Variants in ZNF475 observed in about 807,000 individuals in gnomAD.
ZNF475 encodes the protein zinc finger protein 475.
At chr5:122,163,325 C>CT in the ZNF475 span, 1 of 152,182 alleles carries the variant, frequency 6.6e-6, no homozygotes, top group African/African-American at 2.4e-5. Flanking sequence ...AGTACAGGGC[C>CT]TGTTAGTCAG....
chr5:122,179,639 A>G, the ZNF475 span: 4 of 1,534,720 alleles, frequency 2.6e-6, no homozygotes, highest in Non-Finnish European at 2.6e-6. Flanking sequence ...ATGAGCCACA[A>G]TGTCTGAAAA....
chr5:122,170,628 T>G, the ZNF475 span, among the ~76,000 whole-genome samples: 4 of 152,138 alleles, frequency 2.6e-5, no homozygotes, highest in African/African-American at 9.7e-5. Flanking sequence ...TTTGAAACCC[T>G]TCATTTGGAG....
the ZNF475 span, chr5:122,160,293 G>C: frequency 1.6e-6 from 2 of 1,288,538 alleles, no homozygotes. Context: ...CTACATTGTT[G>C]GCTCCAGAAG....
chr5:122,179,812 C>A, the ZNF475 span: 3 of 1,108,828 alleles, frequency 2.7e-6, no homozygotes, highest in Non-Finnish European at 2.4e-6. Context: ...ATTCTTTTTT[C>A]ACTTGTTCAA....
chr5:122,161,776 A>G, the ZNF475 span, among the ~76,000 whole-genome samples: 1 of 152,214 alleles, frequency 6.6e-6, no homozygotes, highest in East Asian at 1.9e-4. Flanking sequence ...CAACTGGCAT[A>G]AAAGTCAGGC....
At chr5:122,174,732 T>C in the ZNF475 span, among the ~76,000 whole-genome samples, 1 of 152,240 alleles carries the variant, frequency 6.6e-6, no homozygotes, top group Non-Finnish European at 1.5e-5. Context: ...TGACCCATGC[T>C]ATTTATTGTG....
chr5:122,180,890 A>C, the ZNF475 span, among the ~76,000 whole-genome samples: 1 of 152,194 alleles, frequency 6.6e-6, no homozygotes, highest in South Asian at 2.1e-4. Context: ...TAAAGATGAA[A>C]ATGACCAGCT....
chr5:122,165,917 G>A, the ZNF475 span, among the ~76,000 whole-genome samples: 1 of 152,168 alleles, frequency 6.6e-6, no homozygotes, highest in South Asian at 2.1e-4. Flanking sequence ...CTTTGGCAAA[G>A]GCCCACTAAA....
chr5:122,168,287 G>T, the ZNF475 span, among the ~76,000 whole-genome samples: 88 of 152,196 alleles, frequency 5.8e-4, 1 homozygote, highest in South Asian at 0.011. Flanking sequence ...CAGGTGATCC[G>T]CCCGCCTCGG....
the ZNF475 span, among the ~76,000 whole-genome samples, chr5:122,167,455 ATAAAT>A: frequency 6.6e-6 from 1 of 152,168 alleles, no homozygotes; most frequent in Non-Finnish European, 1.5e-5. Context: ...TTCTTGGGAG[ATAAAT>A]TAAAGAGTTT....
chr5:122,174,531 A>G, the ZNF475 span, among the ~76,000 whole-genome samples: 3 of 152,206 alleles, frequency 2.0e-5, no homozygotes, highest in Non-Finnish European at 2.9e-5. Flanking sequence ...CTGAAGTTCA[A>G]CCACAAATAT....
the ZNF475 span, among the ~76,000 whole-genome samples, chr5:122,180,879 C>CT: frequency 3.3e-5 from 5 of 152,162 alleles, no homozygotes; most frequent in African/African-American, 1.2e-4. Context: ...GGGAAAACAG[C>CT]TAAAGATGAA....
At chr5:122,168,984 C>G in the ZNF475 span, among the ~76,000 whole-genome samples, 5 of 152,292 alleles carry the variant, frequency 3.3e-5, no homozygotes, top group South Asian at 1.0e-3. Context: ...GGCAGAGGGC[C>G]AGGGGAGACA....
At chr5:122,179,892 T>C in the ZNF475 span, 40 of 511,708 alleles carry the variant, frequency 7.8e-5, no homozygotes, top group African/African-American at 7.3e-4. Flanking sequence ...GAAATGCCTG[T>C]CCAAAGAATT....
At chr5:122,163,562 T>C in the ZNF475 span, among the ~76,000 whole-genome samples, 2 of 152,192 alleles carry the variant, frequency 1.3e-5, no homozygotes, top group African/African-American at 4.8e-5. Context: ...ATCAGGAGTG[T>C]GGAAAATCTA....
the ZNF475 span, among the ~76,000 whole-genome samples, chr5:122,174,013 G>C: frequency 6.6e-6 from 1 of 152,152 alleles, no homozygotes; most frequent in Non-Finnish European, 1.5e-5. Context: ...CCTGGAGTTG[G>C]CTGGTCCCGG....
At chr5:122,179,568 C>G in the ZNF475 span, 15 of 1,516,284 alleles carry the variant, frequency 9.9e-6, no homozygotes, top group Non-Finnish European at 1.3e-5. Context: ...GATACGGCGT[C>G]CACCAGCAGT....
the ZNF475 span, among the ~76,000 whole-genome samples, chr5:122,176,047 T>C: frequency 6.6e-6 from 1 of 152,140 alleles, no homozygotes; most frequent in East Asian, 1.9e-4. Context: ...TCTAATAGCC[T>C]TTACTCAGCC....
chr5:122,167,940 AAGTAGC>A, the ZNF475 span, among the ~76,000 whole-genome samples: 4 of 152,218 alleles, frequency 2.6e-5, no homozygotes, highest in Admixed American at 2.6e-4. Context: ...CCACTGGTGC[AAGTAGC>A]AGTAGTTCTT....
Sources: allele counts gnomAD v4.1 joint callset (sites outside exome capture counted in the v4.1 genomes callset), GRCh38; gene constraint gnomAD v4.1.1; transcripts MANE v1.5; gene names NCBI Gene and HGNC (gene_info 2026-07-23, HGNC 2026-07-21).